The following DLD variants were observed in gnomAD, a reference collection of about 807,000 sequenced individuals.
DLD encodes the protein dihydrolipoyl dehydrogenase, mitochondrial.
A neutral mutation model predicts 62.2 loss-of-function variants in DLD; 36 were observed. The ratio of observed to expected loss-of-function variants is 0.58; its 90% confidence interval spans 0.44 to 0.76. The LOEUF is 0.76. Among genes scored for constraint, DLD ranks in the 30% least tolerant of loss-of-function variants. The pLI, the probability that DLD is intolerant of heterozygous loss-of-function variation, is 0.00. For missense variants in DLD, 541 were observed against 608.6 expected (o/e 0.89, Z 1.17); for synonymous variants, 204 against 199.6 (o/e 1.02, Z -0.19).
intron 3 of DLD, among the ~76,000 whole-genome samples, chr7:107,902,086 G>A (rs557192755): frequency 4.6e-5 from 7 of 151,534 alleles, no homozygotes; most frequent in African/African-American, 1.5e-4. Context: ...AGAACTAAAA[G>A]CATATATTTG....
At position 107,917,352 on chromosome 7, in the gene DLD, G is replaced by C. The variant is rs1182952578; in HGVS notation, c.1126G>C (p.Gly376Arg). The C allele has an allele frequency of 6.2e-7, 1 of 1,614,066 alleles. No individual in the cohort carries two copies. The highest frequency in any genetic ancestry group is 1.3e-5 in the African/African-American group (1 of 74,930). The change falls in exon 11 of 14, where the codon GGA (glycine) becomes CGA (arginine). Residue 376 changes from glycine to arginine, a missense_variant. Coordinates refer to ENST00000205402, the MANE Select transcript of DLD (RefSeq NM_000108.5). ...GGATGAAGGCATTATCTGTGTTGAA[G>C]GAATGGCTGGTGGTGCTGTGCACAT... ...AEDEGIICVE[G>R]MAGGAVHIDY...
rs764356268 is a variant in DLD at position 107,919,091 on chromosome 7, G to A, written c.1456G>A (p.Ala486Thr). The change falls in exon 13 of 14, where the codon GCA becomes ACA. Residue 486 changes from alanine (A) to threonine (T), a missense_variant. Physicochemically the swap from Ala to Thr is moderately conservative, Grantham distance 58. Coordinates refer to ENST00000205402, the MANE Select transcript of DLD (RefSeq NM_000108.5). Reference protein sequence around the residue: ...SCEDIARVCHAHPTLSEAFRE... With the variant: ...SCEDIARVCHTHPTLSEAFRE... ...TGAAGATATAGCTAGAGTCTGTCATGCACATCCGGTAATTATTAACAACAT... is the reference window on the plus strand; with the variant it reads ...TGAAGATATAGCTAGAGTCTGTCATACACATCCGGTAATTATTAACAACAT... 6.2e-7 allele frequency: 1 copy of A among 1,613,658 alleles called. No homozygotes were observed. Among genetic ancestry groups the A allele is most frequent in the South Asian group, 1.1e-5 (1 of 91,072 alleles).
rs761428885 is a variant in DLD, at chr7:107,891,244, C to T, written c.-7C>T. On this transcript the variant is annotated 5_prime_UTR_variant, in exon 1 of 14. Transcript: ENST00000205402. ...AGTATTGGCGGAAAGGAAAATACAG[C>T]GGAAAAATGCAGAGCTGGAGTCGTG... 4 of 1,614,088 alleles carry T rather than the reference C, an allele frequency of 2.5e-6. No individual in the cohort carries two copies. The highest frequency in any genetic ancestry group is 3.4e-6 in the Non-Finnish European group (4 of 1,179,940).
chr7:107,892,385 T>A (rs945757889), intron 1 of DLD, among the ~76,000 whole-genome samples: 12 of 152,236 alleles, frequency 7.9e-5, no homozygotes, highest in Non-Finnish European at 1.3e-4. Context: ...CTATTCCTAG[T>A]TGATGTCTCA....
chr7:107,902,497 C>A, intron 4 of DLD, 104 bp downstream of exon 4: 1 of 998,180 alleles, frequency 1.0e-6, no homozygotes, highest in Non-Finnish European at 1.6e-6. Context: ...AAAAAACAAT[C>A]CAAGTTGTGG....
chr7:107,919,314 T>G lies in DLD; in HGVS notation c.*55T>G. On this transcript the variant is annotated 3_prime_UTR_variant, in exon 14 of 14. Transcript: ENST00000205402. Reference sequence around the variant, plus strand: ...AATTTCCTGGGAGCTTTTGTAGAAGTCACATTCCTGAACAGGATATTCTCA... The same window carrying G: ...AATTTCCTGGGAGCTTTTGTAGAAGGCACATTCCTGAACAGGATATTCTCA... The G allele has an allele frequency of 2.9e-6, 4 of 1,382,622 alleles. No individual in the cohort carries two copies. The highest frequency in any genetic ancestry group is 4.1e-6 in the Non-Finnish European group (4 of 985,082). The allele number at this position is 1,382,622 out of a possible 1,614,324, so 85.6% of individuals were successfully genotyped here.
intron 2 of DLD, chr7:107,893,486 A>C: frequency 2.3e-6 from 1 of 431,386 alleles, no homozygotes; most frequent in Non-Finnish European, 4.1e-6. Context: ...GAAACTTGTA[A>C]TTTGGTGATA....
At chr7:107,892,720 G>C (rs908872534) in intron 1 of DLD, among the ~76,000 whole-genome samples, 1 of 152,008 alleles carries the variant, frequency 6.6e-6, no homozygotes, top group Non-Finnish European at 1.5e-5. Context: ...TAATTTTCTT[G>C]TATTTTTAGT....
chr7:107,899,333 A>G (rs1335400356), intron 2 of DLD, among the ~76,000 whole-genome samples: 1 of 150,152 alleles, frequency 6.7e-6, no homozygotes, highest in African/African-American at 2.5e-5. Context: ...ACAGTGAGAG[A>G]GGAGCTCTTG....
intron 5 of DLD, 88 bp downstream of exon 5, chr7:107,903,635 A>G (rs1301979498): frequency 1.5e-5 from 11 of 717,764 alleles, no homozygotes; most frequent in Non-Finnish European, 2.5e-5. Flanking sequence ...TAACGTACGC[A>G]TAATAGATGT....
At chr7:107,908,711 T>C (rs962784786) in intron 8 of DLD, among the ~76,000 whole-genome samples, 2 of 151,820 alleles carry the variant, frequency 1.3e-5, no homozygotes, top group Non-Finnish European at 2.9e-5. Context: ...TTTTAAGTTA[T>C]CTTTTTAGTG....
At chr7:107,897,124 C>T (rs1018789658) in intron 2 of DLD, among the ~76,000 whole-genome samples, 3 of 152,256 alleles carry the variant, frequency 2.0e-5, no homozygotes, top group African/African-American at 4.8e-5. Context: ...CATGAGCCAC[C>T]GCGCCTGGCC....
intron 8 of DLD, among the ~76,000 whole-genome samples, chr7:107,913,299 G>C (rs1271025454): frequency 8.6e-5 from 13 of 151,830 alleles, no homozygotes; most frequent in Admixed American, 8.5e-4. Context: ...GTTTAGTAGG[G>C]ATTGCATTGA....
In DLD at chr7:107,893,247, A is replaced by C. The variant is rs761108284; in HGVS notation, c.87A>C (p.Ala29=). Residue 29 remains alanine, a synonymous_variant, in exon 2 of 14, where the codon GCA becomes GCC. Coordinates refer to ENST00000205402, the MANE Select transcript of DLD (RefSeq NM_000108.5). ...CTCATGGCCTACAGGGACTTTCTGC[A>C]GTGCCTCTGAGAACTTACGCAGATC... ...RISHGLQGLS[A]VPLRTYADQP... 1 of 1,613,554 alleles carries C rather than the reference A, an allele frequency of 6.2e-7. No individual in the cohort carries two copies.
intron 13 of DLD, 46 bp from the exon 14 acceptor site, chr7:107,919,148 G>A (rs2032347171): frequency 6.2e-7 from 1 of 1,611,730 alleles, no homozygotes; most frequent in Non-Finnish European, 8.5e-7. Flanking sequence ...ATTTTCTTCT[G>A]ACCCACAAAT....
chr7:107,908,310 C>T (rs1437329031), intron 8 of DLD, among the ~76,000 whole-genome samples: 1 of 151,746 alleles, frequency 6.6e-6, no homozygotes, highest in African/African-American at 2.4e-5. Flanking sequence ...GCCAGCACGC[C>T]CGGCTAATTT....
chr7:107,917,454 AAAG>A lies in DLD; in HGVS notation c.1233_1235del (p.Glu412del). ...GGTTGGCAAATCAGAAGAGCAGTTG[AAAG>A]AAGAGGTAAGTCTGAACATGGGTGG... is the stretch of plus-strand genomic sequence containing the variant. On this transcript the variant is annotated inframe_deletion, in exon 11 of 14. Transcript: ENST00000205402. The A allele has an allele frequency of 6.2e-7, 1 of 1,614,088 alleles. No homozygotes were observed. The highest frequency in any genetic ancestry group is 1.1e-5 in the South Asian group (1 of 91,088).
chr7:107,906,398 C>T (rs1274583668), intron 8 of DLD, 30 bp downstream of exon 8: 1 of 1,418,434 alleles, frequency 7.1e-7, no homozygotes, highest in Admixed American at 1.7e-5. Flanking sequence ...CTCTTATTAC[C>T]TCCTTGGAGT....
chr7:107,905,205 A>G, intron 6 of DLD, 147 bp downstream of exon 6: 1 of 1,014,748 alleles, frequency 9.9e-7, no homozygotes, highest in Non-Finnish European at 1.5e-6. Context: ...TCCCTGACAT[A>G]TATCACAGAT....
Sources: allele counts gnomAD v4.1 joint callset (sites outside exome capture counted in the v4.1 genomes callset), GRCh38; gene constraint gnomAD v4.1.1; transcripts MANE v1.5; gene names NCBI Gene and HGNC (gene_info 2026-07-23, HGNC 2026-07-21).